TLE2: variants seen among roughly 807,000 people sequenced by gnomAD.
TLE2 encodes TLE family member 2, transcriptional corepressor, also known as transducin-like enhancer protein 2.
In TLE2, 74 loss-of-function variants were observed where a neutral mutation model predicts 97.2. That is an observed-to-expected ratio of 0.76 (90% CI 0.63 to 0.92). The LOEUF is 0.92. TLE2 is among the 40% of genes least tolerant of loss of function. TLE2 has a pLI of 0.00. For synonymous variants in TLE2, 499 were observed against 432.1 expected (o/e 1.15, Z -1.92); for missense variants, 1,038 against 1,008.7 (o/e 1.03, Z -0.39).
At chr19:3,047,514 C>T (rs942735727), upstream of TLE2, 4 of 151,224 alleles carry the variant, frequency 2.6e-5, no homozygotes, top group Non-Finnish European at 5.9e-5. Context: ...TGTGACCCCC[C>T]CCCAGGCATC....
At chr19:3,000,559 G>T in intron 19 of TLE2, 88 bp downstream of exon 19, 1 of 1,240,312 alleles carries the variant, frequency 8.1e-7, no homozygotes. Context: ...GGACCTGGGG[G>T]ACAGGGACAG....
intron 5 of TLE2, among the ~76,000 whole-genome samples, chr19:3,022,134 C>T (rs866545506): frequency 2.6e-5 from 4 of 151,750 alleles, no homozygotes; most frequent in East Asian, 2.0e-4. Flanking sequence ...CGCTAACCTC[C>T]GCCTCCCAGG....
chr19:3,024,876 G>C (rs12985412), intron 5 of TLE2, 144 bp downstream of exon 5: 70,099 of 688,824 alleles, frequency 0.1, 4,073 homozygotes, highest in Middle Eastern at 0.12. Context: ...CAGGGCTGCG[G>C]GACTACTGCA....
chr19:3,041,370 C>T (rs2090102112), intron 1 of TLE2, among the ~76,000 whole-genome samples: 1 of 152,150 alleles, frequency 6.6e-6, no homozygotes, highest in Non-Finnish European at 1.5e-5. Context: ...ATATACACAC[C>T]ATGGCCCTCC....
At chr19:3,000,504 G>T in intron 19 of TLE2, 143 bp downstream of exon 19, 1 of 667,622 alleles carries the variant, frequency 1.5e-6, no homozygotes, top group Non-Finnish European at 2.5e-6. Flanking sequence ...TACCTGGGCG[G>T]TAGGGAGGCT....
upstream of TLE2, among the ~76,000 whole-genome samples, chr19:3,033,832 C>T (rs1188280477): frequency 2.0e-5 from 3 of 152,024 alleles, no homozygotes; most frequent in African/African-American, 4.8e-5. Context: ...TAGCGAGACC[C>T]AACCCCCACC....
chr19:3,040,429 C>G (rs1214000535), intron 1 of TLE2, among the ~76,000 whole-genome samples: 1 of 151,782 alleles, frequency 6.6e-6, no homozygotes, highest in Non-Finnish European at 1.5e-5. Context: ...CAACCTCCAC[C>G]TCCCGGGTTC....
intron 11 of TLE2, among the ~76,000 whole-genome samples, chr19:3,012,240 G>A (rs115092746): frequency 0.071 from 10,679 of 151,250 alleles, 812 homozygotes; most frequent in African/African-American, 0.19. Context: ...GTGACAGAGC[G>A]AGACTCCATC....
At chr19:3,036,029 A>G (rs1157316429) in intron 1 of TLE2, among the ~76,000 whole-genome samples, 2 of 152,162 alleles carry the variant, frequency 1.3e-5, no homozygotes, top group South Asian at 2.1e-4. Flanking sequence ...CTTTCTCCCT[A>G]TTTCACAGAT....
chr19:3,019,318 T>A lies in TLE2; in HGVS notation c.515A>T (p.Glu172Val), dbSNP rs755145284. 8 of 1,576,738 alleles carry A rather than the reference T, an allele frequency of 5.1e-6. No individual in the cohort carries two copies. The African/African-American group carries it at 6.7e-5, about 13-fold the overall frequency. The change falls in exon 7 of 20, where the codon GAG becomes GTG. Residue 172 changes from glutamate (E) to valine (V), a missense_variant. Transcript: ENST00000262953. This position sits in a 1 kb window ranked among gnomAD's most constrained non-coding sequence, Gnocchi z 5.1. ...CTCGGCCTCCACGCCCGCACGGTCCTCCTTGACAGCCGCCGCCAGCTGAGC... is the reference window on the plus strand; with the variant it reads ...CTCGGCCTCCACGCCCGCACGGTCCACCTTGACAGCCGCCGCCAGCTGAGC... ...AQAQLAAAVK[E>V]DRAGVEAEGS...
intron 9 of TLE2, among the ~76,000 whole-genome samples, chr19:3,015,355 G>C (rs1333725056): frequency 1.3e-5 from 2 of 152,224 alleles, no homozygotes; most frequent in African/African-American, 4.8e-5. Context: ...TTTGTTTCTT[G>C]ATAGAAAAAT....
In TLE2 at chr19:3,019,823, G is replaced by A. The variant is rs888381188; in HGVS notation, c.295-50C>T. The A allele has an allele frequency of 6.3e-7, 1 of 1,578,706 alleles. No individual in the cohort carries two copies. The highest frequency in any genetic ancestry group is 1.8e-5 in the Admixed American group (1 of 55,002). On this transcript the variant is annotated intron_variant, in intron 5 of 19. Coordinates refer to ENST00000262953, the MANE Select transcript of TLE2 (RefSeq NM_003260.5). This position sits in a 1 kb window ranked among gnomAD's most constrained non-coding sequence, Gnocchi z 5.1. ...GAGGGTACATTGAGCCCCTGCTCAT[G>A]CTAGCGGTGCCCTTGGGGACCTGAC...
At chr19:3,010,397 G>A (rs916911309) in intron 12 of TLE2, among the ~76,000 whole-genome samples, 2 of 151,490 alleles carry the variant, frequency 1.3e-5, no homozygotes, top group Admixed American at 1.3e-4. Context: ...CAAAACCCAG[G>A]CCCAATGTCC....
rs765230192 is a variant in TLE2 at position 3,009,516 on chromosome 19, T to G, written c.1173+26A>C. On this transcript the variant is annotated intron_variant, in intron 13 of 19. Transcript: ENST00000262953. The stretch of plus-strand genomic sequence containing the variant: ...CCAGCCCCTGGGCCCTGCTGACACC[T>G]CCTGCGCCCCCACCCAAGGACTCAC... 14 of 1,566,544 alleles carry G rather than the reference T, an allele frequency of 8.9e-6. No individual in the cohort carries two copies. The South Asian group carries it at 9.6e-5, about 11-fold the overall frequency.
At chr19:3,017,485 C>T (rs943658492) in intron 8 of TLE2, among the ~76,000 whole-genome samples, 2 of 132,262 alleles carry the variant, frequency 1.5e-5, no homozygotes, top group Non-Finnish European at 3.1e-5. Context: ...GGGTCTTACT[C>T]TGTCACCCAG....
chr19:3,024,517 G>T (rs1329216410), intron 5 of TLE2, among the ~76,000 whole-genome samples: 1 of 151,832 alleles, frequency 6.6e-6, no homozygotes, highest in East Asian at 1.9e-4. Flanking sequence ...GACGACCCTG[G>T]GACCTCCTAG....
In TLE2 at chr19:3,005,942, G is replaced by A. The variant is rs1297358209; in HGVS notation, c.1527C>T (p.Cys509=). Residue 509 remains cysteine (C), a synonymous_variant, in exon 16 of 20, where the codon TGC becomes TGT. Transcript: ENST00000262953. Reference sequence around the variant, plus strand: ...GACTCCGGCCATCCGGCAGCAACTTGCAGGAACGAATGTAGTTGTCTCGGT... The same window carrying A: ...GACTCCGGCCATCCGGCAGCAACTTACAGGAACGAATGTAGTTGTCTCGGT... ...CLNRDNYIRS[C]KLLPDGRSLI... is the part of the protein sequence containing the mutation. 6.2e-7 allele frequency: 1 copy of A among 1,610,936 alleles called. No homozygotes were observed. Among genetic ancestry groups the A allele is most frequent in the East Asian group, 2.2e-5 (1 of 44,772 alleles).
At chr19:3,016,264 T>C (rs1330059560) in intron 8 of TLE2, among the ~76,000 whole-genome samples, 1 of 149,356 alleles carries the variant, frequency 6.7e-6, no homozygotes, top group African/African-American at 2.5e-5. Flanking sequence ...CTCTCTGACA[T>C]CTATAATTAT....
chr19:3,040,837 A>G (rs2090094644), intron 1 of TLE2, among the ~76,000 whole-genome samples: 1 of 149,516 alleles, frequency 6.7e-6, no homozygotes, highest in Admixed American at 6.7e-5. Flanking sequence ...GGGTCTTGCT[A>G]TATTATCGAC....
Sources: allele counts gnomAD v4.1 joint callset (sites outside exome capture counted in the v4.1 genomes callset), GRCh38; gene constraint gnomAD v4.1.1; non-coding constraint Gnocchi (gnomAD v3.1); transcripts MANE v1.5; gene names NCBI Gene and HGNC (gene_info 2026-07-23, HGNC 2026-07-21).